The following SND1 variants were observed in gnomAD, a reference collection of about 807,000 sequenced individuals.
The protein encoded by SND1 is staphylococcal nuclease and tudor domain containing 1, also known as staphylococcal nuclease domain-containing protein 1.
In SND1, 38 loss-of-function variants were observed where a neutral mutation model predicts 121.7. The ratio of observed to expected loss-of-function variants is 0.31; its 90% CI spans 0.24 to 0.41. SND1 has a LOEUF of 0.41. Ranked by LOEUF, SND1 falls within the 10% of genes least tolerant of loss-of-function variation. SND1 has a pLI of 1.00. For missense variants in SND1, 868 were observed against 1,184.6 expected, an observed-to-expected ratio of 0.73 and a Z score of 3.92; for synonymous variants, 401 against 447.4, an observed-to-expected ratio of 0.90 and a Z score of 1.31.
intron 11 of SND1, among the ~76,000 whole-genome samples, chr7:127,837,305 T>C (rs1208897214): frequency 6.6e-6 from 1 of 152,182 alleles, no homozygotes; most frequent in Non-Finnish European, 1.5e-5. Flanking sequence ...ACACACCAGA[T>C]AGTAAAGATT....
chr7:128,006,543 T>G (rs376166725), intron 16 of SND1, among the ~76,000 whole-genome samples: 1 of 152,224 alleles, frequency 6.6e-6, no homozygotes, highest in East Asian at 1.9e-4. Flanking sequence ...CCAGGACTCT[T>G]AAGAGGGAAG....
chr7:127,717,711 C>T (rs1162049478), intron 9 of SND1, among the ~76,000 whole-genome samples: 2 of 152,104 alleles, frequency 1.3e-5, no homozygotes, highest in Non-Finnish European at 2.9e-5. Flanking sequence ...TCTGGTCATG[C>T]TTGTAGAAGG....
At chr7:127,770,265 T>C (rs778306226) in intron 10 of SND1, among the ~76,000 whole-genome samples, 6 of 152,044 alleles carry the variant, frequency 3.9e-5, no homozygotes, top group African/African-American at 1.2e-4. Context: ...ATGGGGATGG[T>C]GGGTGGCTGA....
rs375174369 is a variant in SND1 at position 128,084,757 on chromosome 7, G to T, written c.2144G>T (p.Arg715Leu). Residue 715 changes from arginine (R) to leucine (L), a missense_variant, in exon 19 of 24, where the codon CGC becomes CTC. Arg to Leu is a moderately radical substitution (Grantham distance 102). Coordinates refer to ENST00000354725, the MANE Select transcript of SND1 (RefSeq NM_014390.4). Reference sequence around the variant, plus strand: ...TTGGAGAAGCTGATGGAGAACATGCGCAATGACATTGCCAGTCACCCCCCT... The same window carrying T: ...TTGGAGAAGCTGATGGAGAACATGCTCAATGACATTGCCAGTCACCCCCCT... ...TQLEKLMENM[R>L]NDIASHPPVE... The T allele has an allele frequency of 6.2e-7, 1 of 1,609,652 alleles. No homozygotes were observed. Among genetic ancestry groups the T allele is most frequent in the Non-Finnish European group, 8.5e-7 (1 of 1,177,440 alleles).
At chr7:127,776,013 A>G (rs1240340745) in intron 10 of SND1, among the ~76,000 whole-genome samples, 1 of 152,210 alleles carries the variant, frequency 6.6e-6, no homozygotes, top group Non-Finnish European at 1.5e-5. Context: ...ACCAACGTCC[A>G]TGTTAAAGCC....
At chr7:128,046,671 C>T (rs574197721) in intron 16 of SND1, among the ~76,000 whole-genome samples, 6 of 151,984 alleles carry the variant, frequency 3.9e-5, no homozygotes, top group Non-Finnish European at 7.4e-5. Context: ...GCCTCCCATG[C>T]TGGTTTAGAA....
intron 16 of SND1, among the ~76,000 whole-genome samples, chr7:128,062,713 C>G (rs1335893282): frequency 6.6e-6 from 1 of 152,146 alleles, no homozygotes; most frequent in African/African-American, 2.4e-5. Context: ...AGAAGGTGCT[C>G]CACGTCCCCT....
chr7:127,668,008 A>G (rs1460822423), intron 1 of SND1, among the ~76,000 whole-genome samples: 1 of 152,212 alleles, frequency 6.6e-6, no homozygotes, highest in African/African-American at 2.4e-5. Flanking sequence ...GGGAAGAAAA[A>G]TGACTCAGTT....
At chr7:127,680,625 C>T (rs1795705300) in intron 1 of SND1, among the ~76,000 whole-genome samples, 2 of 151,932 alleles carry the variant, frequency 1.3e-5, no homozygotes, top group African/African-American at 4.8e-5. Context: ...TTAAGGTTCT[C>T]TCTCTTGTTC....
Position 127,889,876 on chromosome 7 carries a change from A to T in SND1, c.1454+1864A>T, listed in dbSNP as rs556969822. Among the ~76,000 whole-genome samples, 6 of 152,248 alleles carry T rather than the reference A, an allele frequency of 3.9e-5. No homozygotes were observed. In the East Asian group the frequency reaches 1.2e-3, roughly 30 times the overall value. On this transcript the variant is annotated intron_variant, in intron 13 of 23. Transcript: ENST00000354725. ...GATCTCATTCTTTTTTAATGGCTGA[A>T]TAGTACTCCATTGTGTATAAGTACC...
intron 14 of SND1, among the ~76,000 whole-genome samples, chr7:127,913,168 C>T (rs1038061580): frequency 6.6e-6 from 1 of 152,188 alleles, no homozygotes; most frequent in African/African-American, 2.4e-5. Flanking sequence ...AGAGACAGGG[C>T]TTCTTTATTT....
At chr7:128,006,600 T>G (rs1193056475) in intron 16 of SND1, among the ~76,000 whole-genome samples, 6 of 152,182 alleles carry the variant, frequency 3.9e-5, no homozygotes, top group African/African-American at 1.4e-4. Context: ...AGCTGCTGCT[T>G]CTCCTTTATG....
intron 10 of SND1, among the ~76,000 whole-genome samples, chr7:127,744,311 A>G (rs1796938896): frequency 6.6e-6 from 1 of 152,074 alleles, no homozygotes; most frequent in African/African-American, 2.4e-5. Context: ...CTTAGAGACC[A>G]CCCAGATGAC....
rs563548702 is a variant in SND1 at position 127,994,549 on chromosome 7, C to CAAAAAAAAAAAAA, written c.1779+3517_1779+3529dup. On this transcript the variant is annotated intron_variant, in intron 16 of 23. Coordinates refer to ENST00000354725, the MANE Select transcript of SND1 (RefSeq NM_014390.4). The stretch of plus-strand genomic sequence containing the variant: ...CTCTCAAATGACGATCACTTTTACT[C>CAAAAAAAAAAAAA]AAAAAAAAAAAAAAAAAAAAAAAAA... Among the ~76,000 whole-genome samples the CAAAAAAAAAAAAA allele has an allele frequency of 1.3e-4, 6 of 46,238 alleles. 1 individual carries two copies. The highest frequency in any genetic ancestry group is 2.3e-4 in the Non-Finnish European group (6 of 26,586). 30.3% of individuals were successfully genotyped at this position (46,238 alleles called of 152,430 possible).
chr7:127,861,294 T>C (rs1203618281), intron 12 of SND1, among the ~76,000 whole-genome samples: 1 of 152,180 alleles, frequency 6.6e-6, no homozygotes, highest in Non-Finnish European at 1.5e-5. Flanking sequence ...GTATCATGGG[T>C]TGGCAGAGAA....
chr7:127,943,546 T>C, intron 15 of SND1, among the ~76,000 whole-genome samples: 1 of 152,224 alleles, frequency 6.6e-6, no homozygotes, highest in East Asian at 1.9e-4. Context: ...AATCTTTAGC[T>C]TCTTTTGGTC....
At chr7:127,993,288 CT>C (rs1201861045) in intron 16 of SND1, among the ~76,000 whole-genome samples, 26 of 152,330 alleles carry the variant, frequency 1.7e-4, no homozygotes, top group African/African-American at 6.0e-4. Flanking sequence ...TTACTTTTAC[CT>C]ATGTAGTACC....
At chr7:127,816,678 T>TC (rs1164705194) in intron 11 of SND1, among the ~76,000 whole-genome samples, 1 of 151,144 alleles carries the variant, frequency 6.6e-6, no homozygotes, top group African/African-American at 2.4e-5. Flanking sequence ...TTTTTTTTTT[T>TC]TTTGTAACAG....
At chr7:127,975,384 CGT>C (rs10607765) in intron 15 of SND1, among the ~76,000 whole-genome samples, 43,018 of 147,746 alleles carry the variant, frequency 0.29, 7,053 homozygotes, top group African/African-American at 0.44. Context: ...TGACTCCCCT[CGT>C]GTGTGTGTGT....
Sources: gnomAD v4.1 joint callset for allele counts (sites outside exome capture counted in the v4.1 genomes callset) on GRCh38, gnomAD v4.1.1 for gene constraint, MANE v1.5 for transcripts, NCBI Gene and HGNC (gene_info 2026-07-23, HGNC 2026-07-21) for gene names.